The following SPATS2L variants were observed in gnomAD, a reference collection of about 807,000 sequenced individuals.
SPATS2L encodes spermatogenesis associated serine rich 2 like, also known as SPATS2-like protein.
SPATS2L carries 30 observed loss-of-function variants against 59.6 expected under a neutral mutation model. The observed-to-expected ratio is 0.50, with a 90% CI of 0.38 to 0.68. SPATS2L has a LOEUF of 0.68. Among genes scored for constraint, SPATS2L ranks in the 30% least tolerant of loss-of-function variants. The pLI is 0.00. For missense variants in SPATS2L, 615 were observed against 700.0 expected (o/e 0.88, Z 1.37); for synonymous variants, 252 against 263.5 (o/e 0.96, Z 0.42).
intron 2 of SPATS2L, among the ~76,000 whole-genome samples, chr2:200,383,620 C>T (rs565586649): frequency 2.0e-5 from 3 of 152,250 alleles, no homozygotes; most frequent in Admixed American, 6.5e-5. Context: ...AAAGTCAAGT[C>T]GATCCAGTCT....
intron 2 of SPATS2L, among the ~76,000 whole-genome samples, chr2:200,358,514 T>G (rs1248928100): frequency 6.6e-6 from 1 of 152,222 alleles, no homozygotes; most frequent in Admixed American, 6.5e-5. Flanking sequence ...GTCTTCATCT[T>G]GTGGTTGACC....
chr2:200,331,117 A>G (rs917858059), intron 2 of SPATS2L, among the ~76,000 whole-genome samples: 4 of 152,256 alleles, frequency 2.6e-5, no homozygotes, highest in Non-Finnish European at 1.5e-5. Context: ...AAGACTAGGA[A>G]GATGGTAAAT....
intron 2 of SPATS2L, among the ~76,000 whole-genome samples, chr2:200,367,307 A>G (rs1360518360): frequency 2.0e-5 from 3 of 150,718 alleles, no homozygotes; most frequent in Non-Finnish European, 1.5e-5. Context: ...TTTTGCAATC[A>G]TGATGATCTC....
chr2:200,307,270 C>T (rs939554450), intron 1 of SPATS2L, among the ~76,000 whole-genome samples: 3 of 151,668 alleles, frequency 2.0e-5, no homozygotes, highest in Non-Finnish European at 2.9e-5. Flanking sequence ...TCGCCCGCGG[C>T]CGCCGTCCCT....
At chr2:200,345,699 G>T (rs1459471943) in intron 2 of SPATS2L, among the ~76,000 whole-genome samples, 1 of 152,164 alleles carries the variant, frequency 6.6e-6, no homozygotes, top group African/African-American at 2.4e-5. Context: ...AGGACTCATT[G>T]TATCATTTGT....
rs772804265 is a variant in SPATS2L at position 200,472,851 on chromosome 2, C to T, written c.1080C>T (p.Asn360=). The change falls in exon 12 of 13, where the codon AAC becomes AAT. Residue 360 remains asparagine, a synonymous_variant. Transcript: ENST00000409140. ...TTGCAGTTACACATCCAAAGAACAA[C>T]TATTCCTCAAGAACTCCCTGCAGCT... is the stretch of plus-strand genomic sequence containing the variant. The part of the protein sequence containing the change: ...LCGEITHPKN[N]YSSRTPCSSL... The T allele has an allele frequency of 1.9e-6, 3 of 1,613,870 alleles. No homozygotes were observed. The highest frequency in any genetic ancestry group is 3.3e-5 in the Admixed American group (2 of 60,010).
At chr2:200,395,486 C>G (rs1265491564) in intron 3 of SPATS2L, among the ~76,000 whole-genome samples, 2 of 151,730 alleles carry the variant, frequency 1.3e-5, no homozygotes, top group Non-Finnish European at 2.9e-5. Flanking sequence ...AGTTTGGAGA[C>G]AGAAGTCAGA....
chr2:200,435,174 G>T (rs1574524440), intron 6 of SPATS2L, among the ~76,000 whole-genome samples: 1 of 152,136 alleles, frequency 6.6e-6, no homozygotes, highest in South Asian at 2.1e-4. Flanking sequence ...GATACACTGT[G>T]CACTCTCCAT....
At chr2:200,370,532 C>T (rs929548248) in intron 2 of SPATS2L, among the ~76,000 whole-genome samples, 4 of 152,100 alleles carry the variant, frequency 2.6e-5, no homozygotes, top group Non-Finnish European at 4.4e-5. Context: ...CTGTTCTATT[C>T]CAGATCTCTC....
At chr2:200,404,911 A>G (rs1195692549) in intron 3 of SPATS2L, among the ~76,000 whole-genome samples, 1 of 152,062 alleles carries the variant, frequency 6.6e-6, no homozygotes, top group African/African-American at 2.4e-5. Flanking sequence ...TCACTGTCCC[A>G]TTGACTCTCT....
intron 2 of SPATS2L, among the ~76,000 whole-genome samples, chr2:200,354,950 A>G (rs185617168): frequency 2.0e-5 from 3 of 152,274 alleles, no homozygotes; most frequent in Admixed American, 6.5e-5. Flanking sequence ...GTAGCTATAC[A>G]TGACATTTAG....
intron 1 of SPATS2L, among the ~76,000 whole-genome samples, chr2:200,313,227 C>T (rs1477752784): frequency 6.6e-6 from 1 of 152,164 alleles, no homozygotes; most frequent in Admixed American, 6.5e-5. Context: ...TGAGTATCAC[C>T]TGAAGTGATA....
chr2:200,362,139 C>G (rs2163548), intron 2 of SPATS2L, among the ~76,000 whole-genome samples: 14,824 of 152,136 alleles, frequency 0.097, 903 homozygotes, highest in Non-Finnish European at 0.14. Flanking sequence ...CCCAGCTACT[C>G]AGGAGATGGA....
At chr2:200,347,740 G>A (rs1259447644) in intron 2 of SPATS2L, among the ~76,000 whole-genome samples, 1 of 152,126 alleles carries the variant, frequency 6.6e-6, no homozygotes, top group African/African-American at 2.4e-5. Flanking sequence ...CACCAAGTAT[G>A]CCAGTTTCTT....
rs965263743 is a variant in SPATS2L, at chr2:200,329,375, T to C, written c.-72-56T>C. On this transcript the variant is annotated intron_variant, in intron 1 of 12. Coordinates refer to ENST00000409140, the MANE Select transcript of SPATS2L (RefSeq NM_001100423.2). The stretch of plus-strand genomic sequence containing the variant: ...GGTTTTGAGTGTGATGGGAAATGGG[T>C]GGTGTGGCTACTAATTTGAGACCTG... 1.6e-5 allele frequency: 22 copies of C among 1,379,082 alleles called. No individual in the cohort carries two copies. The Middle Eastern group carries it at 2.1e-3, about 133-fold the overall frequency. 85.4% of individuals were successfully genotyped at this position (1,379,082 alleles called of 1,614,324 possible).
intron 1 of SPATS2L, among the ~76,000 whole-genome samples, chr2:200,322,630 C>CA (rs2079602243): frequency 6.6e-6 from 1 of 152,178 alleles, no homozygotes; most frequent in Non-Finnish European, 1.5e-5. Context: ...ATCTGACTTA[C>CA]AGTGTGTACT....
chr2:200,347,777 T>C (rs2080567407), intron 2 of SPATS2L, among the ~76,000 whole-genome samples: 1 of 152,246 alleles, frequency 6.6e-6, no homozygotes, highest in African/African-American at 2.4e-5. Flanking sequence ...TCTGATAATC[T>C]GGTAAACTGC....
Position 200,459,876 on chromosome 2 carries a change from G to C in SPATS2L, c.847+49G>C, listed in dbSNP as rs745824017. The C allele has an allele frequency of 5.9e-6, 8 of 1,363,092 alleles. No homozygotes were observed. The Admixed American group carries it at 1.5e-4, about 25-fold the overall frequency. The allele number at this position is 1,363,092 out of a possible 1,614,324, so 84.4% of individuals were successfully genotyped here. On this transcript the variant is annotated intron_variant, in intron 9 of 12. Coordinates refer to ENST00000409140, the MANE Select transcript of SPATS2L (RefSeq NM_001100423.2). ...TTGATTAGGAGCTTCCCAATCAGAAGCAATCCATAGGTCAGACTGACAATG... is the reference window on the plus strand; with the variant it reads ...TTGATTAGGAGCTTCCCAATCAGAACCAATCCATAGGTCAGACTGACAATG...
intron 8 of SPATS2L, among the ~76,000 whole-genome samples, chr2:200,459,303 A>G (rs954635155): frequency 3.0e-4 from 46 of 152,218 alleles, no homozygotes; most frequent in African/African-American, 1.1e-3. Context: ...TTCTCAAAGT[A>G]TGGTCCCAGG....
Sources: allele counts gnomAD v4.1 joint callset (sites outside exome capture counted in the v4.1 genomes callset), GRCh38; gene constraint gnomAD v4.1.1; transcripts MANE v1.5; gene names NCBI Gene and HGNC (gene_info 2026-07-23, HGNC 2026-07-21).